Variants in RB1CC1 observed in about 807,000 individuals in gnomAD.
The protein encoded by RB1CC1 is RB1-inducible coiled-coil protein 1.
RB1CC1 carries 46 observed loss-of-function variants against 177.5 expected under a neutral mutation model. The observed-to-expected ratio is 0.26, with a 90% CI of 0.20 to 0.33. RB1CC1 has a LOEUF of 0.33. RB1CC1 is among the 10% of genes least tolerant of loss of function. The pLI is 1.00. For synonymous variants in RB1CC1, 666 were observed against 613.6 expected (o/e 1.09, Z -1.26); for missense variants, 1,703 against 1,816.3 (o/e 0.94, Z 1.13).
chr8:52,691,504 C>G (rs1453215246), intron 1 of RB1CC1, among the ~76,000 whole-genome samples: 1 of 152,140 alleles, frequency 6.6e-6, no homozygotes, highest in Non-Finnish European at 1.5e-5. Context: ...TACACTGGCT[C>G]CAGAACCTAG....
At chr8:52,703,439 A>G (rs1331743698) in intron 1 of RB1CC1, among the ~76,000 whole-genome samples, 2 of 152,068 alleles carry the variant, frequency 1.3e-5, no homozygotes, top group African/African-American at 2.4e-5. Context: ...ACACTCCACT[A>G]TTTCCTTTAT....
chr8:52,656,078 A>C lies in RB1CC1; in HGVS notation c.3751T>G (p.Leu1251Val). Residue 1251 changes from leucine to valine, a missense_variant, in exon 15 of 24, where the codon TTG becomes GTG. Around this residue, in one of 6 missense-constraint regions of RB1CC1, gnomAD observed 1,169 missense variants for 1,184.7 expected, o/e 0.99. Coordinates refer to ENST00000025008, the MANE Select transcript of RB1CC1 (RefSeq NM_014781.5). ...AIQTALKEFK[L>V]EREVVEKELL... ...TCTTTCTCAACAACTTCTCTCTCCA[A>C]TTTAAATTCTTTTAGGGCAGTCTGA... is the stretch of plus-strand genomic sequence containing the variant. 6.2e-7 allele frequency: 1 copy of C among 1,613,384 alleles called. No individual in the cohort carries two copies. Among genetic ancestry groups the C allele is most frequent in the Non-Finnish European group, 8.5e-7 (1 of 1,179,778 alleles).
chr8:52,654,886 A>AC (rs1275729202), intron 15 of RB1CC1, among the ~76,000 whole-genome samples: 1 of 151,902 alleles, frequency 6.6e-6, no homozygotes, highest in African/African-American at 2.4e-5. Flanking sequence ...CCATCCACTG[A>AC]CCCCTACCCT....
chr8:52,651,333 C>T (rs907622875), intron 15 of RB1CC1, among the ~76,000 whole-genome samples: 2 of 152,252 alleles, frequency 1.3e-5, no homozygotes, highest in South Asian at 2.1e-4. Flanking sequence ...CGCTTTTTTG[C>T]GGAACACAGC....
At chr8:52,668,782 T>C (rs1225821900) in intron 7 of RB1CC1, among the ~76,000 whole-genome samples, 1 of 152,228 alleles carries the variant, frequency 6.6e-6, no homozygotes, top group East Asian at 1.9e-4. Flanking sequence ...CTGTCTGCGT[T>C]TTCCATAAAA....
chr8:52,658,579 G>GAAAAAAAA (rs67680393), intron 13 of RB1CC1, among the ~76,000 whole-genome samples: 149 of 98,548 alleles, frequency 1.5e-3, no homozygotes, highest in Non-Finnish European at 1.9e-3. Flanking sequence ...TCCGTCTCAA[G>GAAAAAAAA]AAAAAAAAAA....
intron 1 of RB1CC1, among the ~76,000 whole-genome samples, chr8:52,688,583 C>CA (rs1854507337): frequency 6.6e-6 from 1 of 152,178 alleles, no homozygotes; most frequent in African/African-American, 2.4e-5. Flanking sequence ...GTAATACATG[C>CA]ATGGCTGAAC....
intron 8 of RB1CC1, among the ~76,000 whole-genome samples, chr8:52,662,700 A>G (rs564998809): frequency 6.6e-6 from 1 of 152,204 alleles, no homozygotes; most frequent in Admixed American, 6.5e-5. Flanking sequence ...TTTCCTAAAT[A>G]TCATGACATT....
chr8:52,641,696 C>G (rs1283685134), intron 18 of RB1CC1, among the ~76,000 whole-genome samples: 1 of 152,064 alleles, frequency 6.6e-6, no homozygotes, highest in Non-Finnish European at 1.5e-5. Context: ...GCATAATGAT[C>G]TGGACTTTCT....
In RB1CC1 at chr8:52,628,051, A is replaced by T; in HGVS notation, c.4617T>A (p.Asp1539Glu). 6.3e-7 allele frequency: 1 copy of T among 1,599,320 alleles called. No homozygotes were observed. Among genetic ancestry groups the T allele is most frequent in the Non-Finnish European group, 8.5e-7 (1 of 1,173,496 alleles). ...ACTTACCACCCTCACCTGGTTTGAG[A>T]TCCAGGGCAGGTAGAGACTCTGAAT... is the stretch of plus-strand genomic sequence containing the variant. ...FLHSESLPAL[D>E]LKPGEGASGA... Residue 1539 changes from aspartate to glutamate, a missense_variant, in exon 22 of 24, where the codon GAT becomes GAA. Physicochemically the swap from Asp to Glu is conservative, Grantham distance 45. Around this residue, in one of 6 missense-constraint regions of RB1CC1, gnomAD observed 70 missense variants for 118.0 expected, o/e 0.59. Coordinates refer to ENST00000025008, the MANE Select transcript of RB1CC1 (RefSeq NM_014781.5).
At position 52,634,983 on chromosome 8, in the gene RB1CC1, A is replaced by C. The variant is rs376957322; in HGVS notation, c.4393-15T>G. ...AATTGCAATGTCTGCAGGTGGAAAA[A>C]AGAGACCTGTGGTTTATCCTTGTAC... is the stretch of plus-strand genomic sequence containing the variant. On this transcript the variant is annotated splice_polypyrimidine_tract_variant and intron_variant, in intron 19 of 23. Coordinates refer to ENST00000025008, the MANE Select transcript of RB1CC1 (RefSeq NM_014781.5). 1.2e-6 allele frequency: 2 copies of C among 1,602,594 alleles called. No homozygotes were observed. Among genetic ancestry groups the C allele is most frequent in the Non-Finnish European group, 1.7e-6 (2 of 1,173,318 alleles).
At chr8:52,637,654 G>T (rs1471095032) in intron 18 of RB1CC1, among the ~76,000 whole-genome samples, 1 of 148,306 alleles carries the variant, frequency 6.7e-6, no homozygotes, top group Admixed American at 6.6e-5. Context: ...TACCAATCTA[G>T]ATGCATTTAT....
chr8:52,664,506 T>G (rs2150514867), intron 8 of RB1CC1, among the ~76,000 whole-genome samples: 1 of 152,298 alleles, frequency 6.6e-6, no homozygotes, highest in South Asian at 2.1e-4. Flanking sequence ...TTTGGTATAT[T>G]CCATGAGCTA....
intron 2 of RB1CC1, 107 bp from the exon 3 acceptor site, chr8:52,685,627 C>CA: frequency 2.3e-6 from 1 of 429,952 alleles, no homozygotes. Context: ...ACAAAAATAT[C>CA]AAAATGGGCT....
intron 1 of RB1CC1, among the ~76,000 whole-genome samples, chr8:52,694,371 C>G (rs982082545): frequency 6.7e-6 from 1 of 148,586 alleles, no homozygotes; most frequent in Non-Finnish European, 1.5e-5. Context: ...TCATCCCCCC[C>G]GGGTAGTCCC....
chr8:52,670,803 A>G (rs998338575), intron 7 of RB1CC1, among the ~76,000 whole-genome samples: 33 of 152,216 alleles, frequency 2.2e-4, no homozygotes, highest in African/African-American at 7.2e-4. Context: ...CCTGGCCAAC[A>G]TGGCCAAACT....
At chr8:52,698,503 C>T (rs1855662658) in intron 1 of RB1CC1, among the ~76,000 whole-genome samples, 1 of 151,008 alleles carries the variant, frequency 6.6e-6, no homozygotes, top group Non-Finnish European at 1.5e-5. Flanking sequence ...TTAGTAGAGA[C>T]GGGGTTTCAC....
chr8:52,660,663 T>C lies in RB1CC1; in HGVS notation c.1628-6A>G. On this transcript the variant is annotated splice_region_variant and splice_polypyrimidine_tract_variant and intron_variant, in intron 11 of 23. Transcript: ENST00000025008. The stretch of plus-strand genomic sequence containing the variant: ...ATTTCTTAAAAAAGACTTCCCTGTA[T>C]AAAGAAATTAACAATATGGTTATTT... 6.3e-7 allele frequency: 1 copy of C among 1,590,316 alleles called. No individual in the cohort carries two copies. Among genetic ancestry groups the C allele is most frequent in the Non-Finnish European group, 8.5e-7 (1 of 1,171,096 alleles).
At chr8:52,626,808 G>A (rs1590900255) in intron 22 of RB1CC1, among the ~76,000 whole-genome samples, 2 of 1,204 alleles carry the variant, frequency 1.7e-3, no homozygotes, top group East Asian at 0.019. Context: ...CCATGATGGA[G>A]TTGTCATGGG....
Sources: allele counts gnomAD v4.1 joint callset (sites outside exome capture counted in the v4.1 genomes callset), GRCh38; gene constraint gnomAD v4.1.1; regional missense constraint gnomAD v4.1.1; transcripts MANE v1.5; gene names NCBI Gene and HGNC (gene_info 2026-07-23, HGNC 2026-07-21).